The following PHF2 variants were observed in gnomAD, a reference collection of about 807,000 sequenced individuals.
PHF2 encodes lysine-specific demethylase PHF2.
A neutral mutation model predicts 120.5 loss-of-function variants in PHF2; 27 were observed. The ratio of observed to expected loss-of-function variants is 0.22; its 90% CI spans 0.17 to 0.31. PHF2 has a LOEUF of 0.31. PHF2 is among the 10% of genes least tolerant of loss of function. PHF2 has a pLI of 1.00. For synonymous variants in PHF2, 568 were observed against 592.5 expected (o/e 0.96, Z 0.60); for missense variants, 1,024 against 1,434.8 (o/e 0.71, Z 4.63).
chr9:93,622,804 G>C (rs62573993), intron 1 of PHF2, among the ~76,000 whole-genome samples: 86,188 of 151,992 alleles, frequency 0.57, 24,971 homozygotes, highest in South Asian at 0.79. Context: ...CCCAGAACAG[G>C]CATGTTCCAG....
chr9:93,651,131 T>G (rs190067607), intron 5 of PHF2, among the ~76,000 whole-genome samples: 9 of 150,076 alleles, frequency 6.0e-5, no homozygotes, highest in Middle Eastern at 3.5e-3. Flanking sequence ...TGGGCATTCA[T>G]TTTGGTTGAG....
intron 1 of PHF2, among the ~76,000 whole-genome samples, chr9:93,611,777 AG>A (rs1825639981): frequency 1.3e-5 from 2 of 152,206 alleles, no homozygotes; most frequent in African/African-American, 4.8e-5. Flanking sequence ...AGCTTCCTGA[AG>A]TGCTGGGATT....
Position 93,665,687 on chromosome 9 carries a change from T to G in PHF2, c.1939T>G (p.Ser647Ala). Residue 647 changes from serine to alanine, a missense_variant and splice_region_variant, in exon 15 of 22, where the codon TCC becomes GCC. Transcript: ENST00000359246. ...CTGACCCACTCGCTTCTGCCCTAGC[T>G]CCAAGGCTCTCAGGCCCCCGACGAG... The part of the protein sequence containing the change: ...FSFSNKKLLG[S>A]KALRPPTSPG... The G allele has an allele frequency of 6.2e-7, 1 of 1,613,516 alleles. No individual in the cohort carries two copies. Among genetic ancestry groups the G allele is most frequent in the Non-Finnish European group, 8.5e-7 (1 of 1,179,958 alleles).
At chr9:93,622,740 C>A (rs142977966) in intron 1 of PHF2, among the ~76,000 whole-genome samples, 179 of 152,288 alleles carry the variant, frequency 1.2e-3, no homozygotes, top group African/African-American at 4.1e-3. Context: ...GGGCTCCTGT[C>A]CAAAGGCCCT....
At chr9:93,594,496 A>G (rs1230337119) in intron 1 of PHF2, among the ~76,000 whole-genome samples, 1 of 152,202 alleles carries the variant, frequency 6.6e-6, no homozygotes, top group African/African-American at 2.4e-5. Context: ...GGCGTGTCAC[A>G]GCTGTCATCG....
intron 1 of PHF2, 54 bp downstream of exon 1, chr9:93,576,925 C>T: frequency 1.4e-5 from 11 of 800,924 alleles, no homozygotes; most frequent in African/African-American, 1.9e-5. Context: ...CCACCTTGCC[C>T]GACCGAGCCC....
At chr9:93,586,330 C>T (rs1863043764) in intron 1 of PHF2, among the ~76,000 whole-genome samples, 2 of 152,238 alleles carry the variant, frequency 1.3e-5, no homozygotes, top group South Asian at 4.1e-4. Flanking sequence ...GCGACCACTG[C>T]CCAGCAGCAC....
chr9:93,602,133 C>CT (rs1428057157), intron 1 of PHF2, among the ~76,000 whole-genome samples: 2 of 151,936 alleles, frequency 1.3e-5, no homozygotes, highest in Non-Finnish European at 2.9e-5. Flanking sequence ...TTCCAGTTCA[C>CT]GAGTTCTCTG....
Position 93,653,242 on chromosome 9 carries a change from G to T in PHF2, c.666G>T (p.Trp222Cys). 6.2e-7 allele frequency: 1 copy of T among 1,614,146 alleles called. No individual in the cohort carries two copies. The highest frequency in any genetic ancestry group is 8.5e-7 in the Non-Finnish European group (1 of 1,180,036). The change falls in exon 6 of 22, where the codon TGG (tryptophan) becomes TGT (cysteine). Residue 222 changes from tryptophan (W) to cysteine (C), a missense_variant. Physicochemically the swap from Trp to Cys is radical, Grantham distance 215 (BLOSUM62 -2). Transcript: ENST00000359246. ...AACTGTCATGGGTAGAAAACTACTG[G>T]CCAGATGATGCATTGCTGGCCAAGC... ...VKKLSWVENY[W>C]PDDALLAKPK...
intron 1 of PHF2, among the ~76,000 whole-genome samples, chr9:93,597,525 G>T (rs1332536882): frequency 6.6e-6 from 1 of 151,986 alleles, no homozygotes; most frequent in Non-Finnish European, 1.5e-5. Context: ...AGGCTGTGGG[G>T]CAGGAAGCGG....
chr9:93,635,892 G>T (rs571483081), intron 2 of PHF2, among the ~76,000 whole-genome samples: 1 of 152,292 alleles, frequency 6.6e-6, no homozygotes, highest in East Asian at 1.9e-4. Context: ...AGTGTGGCCA[G>T]CACAGAGGAG....
rs539962136 is a variant in PHF2 at position 93,606,428 on chromosome 9, A to G, written c.99-23542A>G. Among the ~76,000 whole-genome samples the G allele has an allele frequency of 1.8e-4, 28 of 152,288 alleles. No individual in the cohort carries two copies. The South Asian group carries it at 5.0e-3, about 27-fold the overall frequency. On this transcript the variant is annotated intron_variant, in intron 1 of 21. Coordinates refer to ENST00000359246, the MANE Select transcript of PHF2 (RefSeq NM_005392.4). ...TTTTGGCCTTACATAATAGGAGCTC[A>G]TTGTTGTTTTAATTTGCATTTCCCT...
chr9:93,645,231 T>G (rs1250951518), intron 3 of PHF2, among the ~76,000 whole-genome samples: 1 of 152,078 alleles, frequency 6.6e-6, no homozygotes, highest in Non-Finnish European at 1.5e-5. Flanking sequence ...CGAGAAGGGG[T>G]ACAAGGGAGG....
intron 1 of PHF2, among the ~76,000 whole-genome samples, chr9:93,579,096 G>A (rs1320936994): frequency 3.3e-5 from 5 of 152,158 alleles, no homozygotes; most frequent in African/African-American, 1.2e-4. Flanking sequence ...GGTGGTGTTG[G>A]TACAGCTCTC....
At chr9:93,615,027 G>A (rs926178657) in intron 1 of PHF2, among the ~76,000 whole-genome samples, 2 of 151,876 alleles carry the variant, frequency 1.3e-5, no homozygotes, top group Non-Finnish European at 2.9e-5. Flanking sequence ...TGGTGATGGT[G>A]ATGATGGTGA....
chr9:93,660,608 C>T (rs1826547705), intron 12 of PHF2, 48 bp downstream of exon 12: 6 of 1,489,496 alleles, frequency 4.0e-6, no homozygotes, highest in African/African-American at 1.4e-5. Context: ...AGAGGTGCTG[C>T]AGCATCTCTT....
intron 1 of PHF2, among the ~76,000 whole-genome samples, chr9:93,583,826 CTTTTT>C (rs113746371): frequency 4.8e-4 from 60 of 124,630 alleles, no homozygotes; most frequent in Admixed American, 6.7e-4. Context: ...TTTTTCTTTT[CTTTTT>C]TTTTTTTTTT....
Position 93,627,221 on chromosome 9 carries a change from C to T in PHF2, c.99-2749C>T, listed in dbSNP as rs143898212. On this transcript the variant is annotated intron_variant, in intron 1 of 21. Coordinates refer to ENST00000359246, the MANE Select transcript of PHF2 (RefSeq NM_005392.4). ...TGCATCTCCTAGGTTAAATTTATTC[C>T]TACATATTAATATTTTGTTATTTTT... Among the ~76,000 whole-genome samples the T allele has an allele frequency of 7.2e-3, 1,094 of 152,168 alleles. 46 individuals carry two copies. Among genetic ancestry groups the T allele is most frequent in the Admixed American group, 0.062 (946 of 15,276 alleles).
chr9:93,677,854 C>A lies in PHF2; in HGVS notation c.*178C>A. 1 of 586,682 alleles carries A rather than the reference C, an allele frequency of 1.7e-6. No homozygotes were observed. The allele number at this position is 586,682 out of a possible 1,614,324, so 36.3% of individuals were successfully genotyped here. On this transcript the variant is annotated 3_prime_UTR_variant, in exon 22 of 22. Transcript: ENST00000359246. This position sits in a 1 kb window ranked among gnomAD's most constrained non-coding sequence, Gnocchi z 4.4. The stretch of plus-strand genomic sequence containing the variant: ...CGGCAGAGCGAGCCCAGCGTGGCCC[C>A]TCAATTTGAAAATGGACGTCTTTTC...
Sources: gnomAD v4.1 joint callset for allele counts (sites outside exome capture counted in the v4.1 genomes callset) on GRCh38, gnomAD v4.1.1 for gene constraint, Gnocchi (gnomAD v3.1) non-coding constraint, MANE v1.5 for transcripts, NCBI Gene and HGNC (gene_info 2026-07-23, HGNC 2026-07-21) for gene names.